The following NQO1 variants were observed in gnomAD, a reference collection of about 807,000 sequenced individuals.
NQO1 encodes the protein NAD(P)H dehydrogenase [quinone] 1.
A neutral mutation model predicts 32.1 loss-of-function variants in NQO1; 30 were observed. The observed-to-expected ratio is 0.94, with a 90% confidence interval of 0.70 to 1.27. The LOEUF is 1.27. NQO1 is among the 50% of genes most tolerant of loss of function. The pLI, the probability that NQO1 is intolerant of heterozygous loss-of-function variation, is 0.00. For synonymous variants in NQO1, 109 were observed against 119.7 expected (o/e 0.91, Z 0.59); for missense variants, 276 against 331.3 (o/e 0.83, Z 1.30).
At chr16:69,724,080 G>T (rs1287316611) in intron 1 of NQO1, among the ~76,000 whole-genome samples, 1 of 151,778 alleles carries the variant, frequency 6.6e-6, no homozygotes, top group African/African-American at 2.4e-5. Flanking sequence ...TTGGGAGACC[G>T]AGGCGGGTGG....
Position 69,726,441 on chromosome 16 carries a change from G to T in NQO1, c.-2C>A. ...CCCTTTGCAGCACTCACCGACCATG[G>T]CTCTGGTGCAGTCCGGGGCGCTGAT... On this transcript the variant is annotated 5_prime_UTR_variant, in exon 1 of 6. Transcript: ENST00000320623. 1 of 1,611,334 alleles carries T rather than the reference G, an allele frequency of 6.2e-7. No homozygotes were observed. Among genetic ancestry groups the T allele is most frequent in the Non-Finnish European group, 8.5e-7 (1 of 1,179,414 alleles).
Position 69,720,149 on chromosome 16 carries a change from C to G in NQO1, c.8-1615G>C, listed in dbSNP as rs577884538. Among the ~76,000 whole-genome samples, 80 of 152,140 alleles carry G rather than the reference C, an allele frequency of 5.3e-4. 1 individual carries two copies. The highest frequency in any genetic ancestry group is 1.9e-3 in the African/African-American group (77 of 41,492). ...TGGTGTATGCCTGTAGTCCCAACTA[C>G]TCAGGAGGCTGAGAGATGGAAGGAT... On this transcript the variant is annotated intron_variant, in intron 1 of 5. Coordinates refer to ENST00000320623, the MANE Select transcript of NQO1 (RefSeq NM_000903.3).
At position 69,714,736 on chromosome 16, in the gene NQO1, G is replaced by A. The variant is rs571966846; in HGVS notation, c.417+228C>T. Among the ~76,000 whole-genome samples, 72 of 151,760 alleles carry A rather than the reference G, an allele frequency of 4.7e-4. 3 individuals carry two copies. Among genetic ancestry groups the A allele is most frequent in the African/African-American group, 6.5e-4 (27 of 41,428 alleles). On this transcript the variant is annotated intron_variant, in intron 4 of 5. Transcript: ENST00000320623. ...CTCTACTAGAAATACAAAATTAGCCGGGCATGGTGGCATATGCCTGTAATC... is the reference window on the plus strand; with the variant it reads ...CTCTACTAGAAATACAAAATTAGCCAGGCATGGTGGCATATGCCTGTAATC...
At chr16:69,714,906 G>T in intron 4 of NQO1, 58 bp downstream of exon 4, 2 of 1,173,336 alleles carry the variant, frequency 1.7e-6, no homozygotes, top group South Asian at 1.2e-5. Context: ...AAACACCCCT[G>T]CATCAGGACA....
intron 3 of NQO1, among the ~76,000 whole-genome samples, chr16:69,717,645 G>A (rs917712232): frequency 4.1e-5 from 6 of 146,564 alleles, no homozygotes; most frequent in Non-Finnish European, 6.0e-5. Context: ...TCGCTCTGTC[G>A]CCATGTCACC....
chr16:69,713,449 C>T (rs2038067815), intron 4 of NQO1, among the ~76,000 whole-genome samples: 1 of 152,170 alleles, frequency 6.6e-6, no homozygotes, highest in African/African-American at 2.4e-5. Context: ...CTTATCCATC[C>T]TCCCACGGGC....
rs1375614140 is a variant in NQO1 at position 69,714,864 on chromosome 16, A to T, written c.417+100T>A. The T allele has an allele frequency of 1.4e-5, 11 of 813,598 alleles. No individual in the cohort carries two copies. The East Asian group carries it at 2.9e-4, about 21-fold the overall frequency. The allele number at this position is 813,598 out of a possible 1,614,324, so 50.4% of individuals were successfully genotyped here. On this transcript the variant is annotated intron_variant, in intron 4 of 5. Transcript: ENST00000320623. ...ACTGCACTCCAGCCTGGGCAACAAGAGGGAAGCTCCATCTCAAACAAACAA... is the reference window on the plus strand; with the variant it reads ...ACTGCACTCCAGCCTGGGCAACAAGTGGGAAGCTCCATCTCAAACAAACAA...
rs998258485 is a variant in NQO1, at chr16:69,725,627, C to A, written c.7+806G>T. 2.6e-5 allele frequency among the ~76,000 whole-genome samples: 4 copies of A among 152,276 alleles called. No individual in the cohort carries two copies. In the East Asian group the frequency reaches 5.8e-4, roughly 22 times the overall value. Reference sequence around the variant, plus strand: ...CGGTGGCTCACGTCAGTAATCTCAGCACTTGGGGAGGCTGAGGTGGGTGGA... The same window carrying A: ...CGGTGGCTCACGTCAGTAATCTCAGAACTTGGGGAGGCTGAGGTGGGTGGA... On this transcript the variant is annotated intron_variant, in intron 1 of 5. Coordinates refer to ENST00000320623, the MANE Select transcript of NQO1 (RefSeq NM_000903.3).
intron 1 of NQO1, among the ~76,000 whole-genome samples, chr16:69,722,842 C>A (rs535614661): frequency 6.6e-6 from 1 of 152,338 alleles, no homozygotes; most frequent in African/African-American, 2.4e-5. Flanking sequence ...GGGAAGTGAG[C>A]ATATTCAGCT....
rs1446548509 is a variant in NQO1, at chr16:69,711,156, A to G, written c.645T>C (p.Ile215=). ...CAAAATACAGTGGTGTCTCATCCCAAATATTCTCCAGGCGTTTCTTCCATC... is the reference window on the plus strand; with the variant it reads ...CAAAATACAGTGGTGTCTCATCCCAGATATTCTCCAGGCGTTTCTTCCATC... ...LEGWKKRLEN[I]WDETPLYFAP... is the part of the protein sequence containing the mutation. The change falls in exon 6 of 6, where the codon ATT becomes ATC. Residue 215 remains isoleucine (I), a synonymous_variant. Transcript: ENST00000320623. 1.2e-6 allele frequency: 2 copies of G among 1,614,082 alleles called. No individual in the cohort carries two copies. Among genetic ancestry groups the G allele is most frequent in the Non-Finnish European group, 1.7e-6 (2 of 1,180,036 alleles).
chr16:69,723,636 A>G (rs1310852622), intron 1 of NQO1, among the ~76,000 whole-genome samples: 1 of 151,788 alleles, frequency 6.6e-6, no homozygotes, highest in Non-Finnish European at 1.5e-5. Context: ...CGTCTCTACT[A>G]AAAATACAAA....
At position 69,709,852 on chromosome 16, in the gene NQO1, C is replaced by T. The variant is rs1356889545; in HGVS notation, c.*1124G>A. ...CCAAGGTCATGGGACTGGACCCCATCCCATAGTAAGTCATCAGTTTAGCAA... is the reference window on the plus strand; with the variant it reads ...CCAAGGTCATGGGACTGGACCCCATTCCATAGTAAGTCATCAGTTTAGCAA... On this transcript the variant is annotated 3_prime_UTR_variant, in exon 6 of 6. Transcript: ENST00000320623. 3 of 398,408 alleles carry T rather than the reference C, an allele frequency of 7.5e-6. No individual in the cohort carries two copies. Among genetic ancestry groups the T allele is most frequent in the African/African-American group, 6.2e-5 (3 of 48,606 alleles). The allele number at this position is 398,408 out of a possible 1,614,324, so 24.7% of individuals were successfully genotyped here.
In NQO1 at chr16:69,718,484, A is replaced by T. The variant is rs372951639; in HGVS notation, c.58T>A (p.Tyr20Asn). ...GCTGCAGCAGCCTCCTTCATGGCATAGTTGAAGGACGTCCTCTCTGAGTGA... is the reference window on the plus strand; with the variant it reads ...GCTGCAGCAGCCTCCTTCATGGCATTGTTGAAGGACGTCCTCTCTGAGTGA... ...LAHSERTSFN[Y>N]AMKEAAAAAL... Residue 20 changes from tyrosine to asparagine, a missense_variant, in exon 2 of 6, where the codon TAT (tyrosine) becomes AAT (asparagine). Physicochemically the swap from Tyr to Asn is moderately radical, Grantham distance 143 (BLOSUM62 -2). Coordinates refer to ENST00000320623, the MANE Select transcript of NQO1 (RefSeq NM_000903.3). 9 of 1,614,034 alleles carry T rather than the reference A, an allele frequency of 5.6e-6. No individual in the cohort carries two copies. The highest frequency in any genetic ancestry group is 1.6e-4 in the Middle Eastern group (1 of 6,080).
At position 69,710,804 on chromosome 16, in the gene NQO1, A is replaced by G; in HGVS notation, c.*172T>C. On this transcript the variant is annotated 3_prime_UTR_variant, in exon 6 of 6. Coordinates refer to ENST00000320623, the MANE Select transcript of NQO1 (RefSeq NM_000903.3). ...TTGGTTATATGCCATGATAGTAATC[A>G]TAAGAATCAGTTAAAAATGATCCAA... 2 of 747,782 alleles carry G rather than the reference A, an allele frequency of 2.7e-6. No individual in the cohort carries two copies. The highest frequency in any genetic ancestry group is 4.2e-6 in the Non-Finnish European group (2 of 477,080). 46.3% of individuals were successfully genotyped at this position (747,782 alleles called of 1,614,324 possible).
Position 69,709,885 on chromosome 16 carries a change from G to GAA in NQO1, c.*1089_*1090dup. On this transcript the variant is annotated 3_prime_UTR_variant, in exon 6 of 6. Coordinates refer to ENST00000320623, the MANE Select transcript of NQO1 (RefSeq NM_000903.3). ...AAGTCATCAGTTTAGCAATGATAAAGAAAATAACCTTCTGAAAATTTGTAT... is the reference window on the plus strand; with the variant it reads ...AAGTCATCAGTTTAGCAATGATAAAGAAAAAATAACCTTCTGAAAATTTGTAT... 2.5e-6 allele frequency: 1 copy of GAA among 398,492 alleles called. No homozygotes were observed. The highest frequency in any genetic ancestry group is 4.4e-6 in the Non-Finnish European group (1 of 226,018). The allele number at this position is 398,492 out of a possible 1,614,324, so 24.7% of individuals were successfully genotyped here.
At chr16:69,726,411 C>G in intron 1 of NQO1, 22 bp downstream of exon 1, 1 of 1,611,778 alleles carries the variant, frequency 6.2e-7, no homozygotes, top group East Asian at 2.2e-5. Flanking sequence ...CCGCCAAGCA[C>G]CCCGCCCTTT....
At chr16:69,712,316 G>A (rs781280026) in intron 5 of NQO1, among the ~76,000 whole-genome samples, 2 of 151,846 alleles carry the variant, frequency 1.3e-5, no homozygotes, top group South Asian at 2.1e-4. Context: ...GGGCTCAAGC[G>A]ATCCTTCTGC....
intron 1 of NQO1, among the ~76,000 whole-genome samples, chr16:69,723,093 A>G (rs1240407923): frequency 3.9e-5 from 6 of 152,040 alleles, no homozygotes; most frequent in Admixed American, 2.0e-4. Flanking sequence ...ACGCCCGGCT[A>G]ATTGTATTTT....
At chr16:69,719,000 A>C (rs953642663) in intron 1 of NQO1, among the ~76,000 whole-genome samples, 1 of 147,544 alleles carries the variant, frequency 6.8e-6, no homozygotes, top group African/African-American at 2.5e-5. Context: ...GCACCATTGC[A>C]CTCCAGCCTG....
Sources: gnomAD v4.1 joint callset for allele counts (sites outside exome capture counted in the v4.1 genomes callset) on GRCh38, gnomAD v4.1.1 for gene constraint, MANE v1.5 for transcripts, NCBI Gene and HGNC (gene_info 2026-07-23, HGNC 2026-07-21) for gene names.